UVRAG: variants seen among roughly 807,000 people sequenced by gnomAD.
UVRAG encodes the protein UV radiation resistance associated, also known as UV radiation resistance-associated gene protein.
UVRAG carries 19 observed loss-of-function variants against 78.0 expected under a neutral mutation model. The ratio of observed to expected loss-of-function variants is 0.24; its 90% CI spans 0.17 to 0.36. UVRAG has a LOEUF of 0.36. Among genes scored for constraint, UVRAG ranks in the 10% least tolerant of loss-of-function variants. The pLI is 1.00. For synonymous variants in UVRAG, 323 were observed against 324.6 expected (o/e 1.00, Z 0.05); for missense variants, 740 against 853.8 (o/e 0.87, Z 1.66).
At chr11:76,008,455 T>C (rs1193931535) in intron 10 of UVRAG, among the ~76,000 whole-genome samples, 1 of 152,192 alleles carries the variant, frequency 6.6e-6, no homozygotes, top group African/African-American at 2.4e-5. Context: ...AAAATTTGTT[T>C]AAAAGACTAA....
In UVRAG at chr11:76,037,783, A is replaced by T. The variant is rs546655007; in HGVS notation, c.1226+20803A>T. Reference sequence around the variant, plus strand: ...AATGAGAGTTTGAATCCAGACTGTTATTTAGTGTAAATGGTAGGCAGAATT... The same window carrying T: ...AATGAGAGTTTGAATCCAGACTGTTTTTTAGTGTAAATGGTAGGCAGAATT... On this transcript the variant is annotated intron_variant, in intron 12 of 14. Transcript: ENST00000356136. 1.6e-4 allele frequency among the ~76,000 whole-genome samples: 25 copies of T among 152,252 alleles called. No homozygotes were observed. The South Asian group carries it at 5.0e-3, about 30-fold the overall frequency.
intron 6 of UVRAG, among the ~76,000 whole-genome samples, chr11:75,912,939 G>T (rs1947770722): frequency 6.6e-6 from 1 of 152,214 alleles, no homozygotes; most frequent in African/African-American, 2.4e-5. Context: ...TTTGACTAAA[G>T]TAACCATATA....
rs760121961 is a variant in UVRAG, at chr11:75,912,021, A to T, written c.575A>T (p.Asp192Val). Reference sequence around the variant, plus strand: ...CAGAACTGTGTTCGCAATTCTTACGATGTCTTCTCTTTGCTACGGTAAGAA... The same window carrying T: ...CAGAACTGTGTTCGCAATTCTTACGTTGTCTTCTCTTTGCTACGGTAAGAA... ...VDQNCVRNSY[D>V]VFSLLRLHRA... The change falls in exon 6 of 15, where the codon GAT (aspartate) becomes GTT (valine). Residue 192 changes from aspartate (D) to valine (V), a missense_variant. Physicochemically the swap from Asp to Val is radical, Grantham distance 152. Coordinates refer to ENST00000356136, the MANE Select transcript of UVRAG (RefSeq NM_003369.4). 10 of 1,611,858 alleles carry T rather than the reference A, an allele frequency of 6.2e-6. No homozygotes were observed. Among genetic ancestry groups the T allele is most frequent in the Non-Finnish European group, 8.5e-6 (10 of 1,178,266 alleles).
intron 5 of UVRAG, among the ~76,000 whole-genome samples, chr11:75,894,022 A>G (rs922755122): frequency 3.9e-5 from 6 of 152,192 alleles, no homozygotes; most frequent in African/African-American, 1.4e-4. Context: ...TGCACATAGA[A>G]GATGATACCA....
chr11:75,851,771 T>C, intron 1 of UVRAG, 112 bp from the exon 2 acceptor site: 1 of 814,304 alleles, frequency 1.2e-6, no homozygotes, highest in South Asian at 1.7e-5. Context: ...TCTGGCTCAA[T>C]AAATAAATGA....
intron 8 of UVRAG, among the ~76,000 whole-genome samples, chr11:75,993,021 G>A (rs973663415): frequency 2.0e-4 from 30 of 152,262 alleles, no homozygotes; most frequent in African/African-American, 7.0e-4. Context: ...GCTCAGTTAG[G>A]ATATAAAGTC....
intron 6 of UVRAG, among the ~76,000 whole-genome samples, chr11:75,937,956 TTAAA>T (rs1948406563): frequency 6.6e-6 from 1 of 152,194 alleles, no homozygotes; most frequent in Admixed American, 6.5e-5. Flanking sequence ...GTTTTTCATT[TTAAA>T]TAGTTTCTAC....
At chr11:76,074,579 A>T (rs573380522) in intron 13 of UVRAG, among the ~76,000 whole-genome samples, 1 of 152,326 alleles carries the variant, frequency 6.6e-6, no homozygotes, top group South Asian at 2.1e-4. Flanking sequence ...TGTGTAGCTC[A>T]TTTCATACTC....
intron 12 of UVRAG, among the ~76,000 whole-genome samples, chr11:76,030,407 G>T (rs1950414460): frequency 6.6e-6 from 1 of 152,112 alleles, no homozygotes; most frequent in African/African-American, 2.4e-5. Context: ...CTTCAAATAG[G>T]CCGAGAGTTA....
intron 6 of UVRAG, among the ~76,000 whole-genome samples, chr11:75,929,452 G>T (rs1948185487): frequency 6.6e-6 from 1 of 152,038 alleles, no homozygotes; most frequent in South Asian, 2.1e-4. Context: ...CCAAAGGAAG[G>T]GTGCAGTCGC....
At chr11:76,006,585 G>A (rs7129433) in intron 9 of UVRAG, among the ~76,000 whole-genome samples, 3,150 of 149,932 alleles carry the variant, frequency 0.021, 41 homozygotes, top group South Asian at 0.044. Flanking sequence ...AGCTGAGCCC[G>A]GGAAGGTCGA....
At chr11:76,127,922 A>G (rs1185738221) in intron 14 of UVRAG, among the ~76,000 whole-genome samples, 1 of 152,100 alleles carries the variant, frequency 6.6e-6, no homozygotes, top group Non-Finnish European at 1.5e-5. Flanking sequence ...GCACCACTGC[A>G]CTCAAGCCTG....
chr11:75,997,307 G>A (rs1006196729), intron 8 of UVRAG, among the ~76,000 whole-genome samples: 5 of 152,232 alleles, frequency 3.3e-5, no homozygotes, highest in African/African-American at 1.2e-4. Context: ...CCAAACTCTG[G>A]TGAGAGAGAA....
At chr11:75,889,176 G>A (rs1947160067) in intron 5 of UVRAG, among the ~76,000 whole-genome samples, 1 of 152,140 alleles carries the variant, frequency 6.6e-6, no homozygotes, top group African/African-American at 2.4e-5. Context: ...TAACTCTTTG[G>A]GGGTTAAGAA....
At chr11:75,911,175 G>T (rs867533177) in intron 5 of UVRAG, 6 of 155,236 alleles carry the variant, frequency 3.9e-5, no homozygotes, top group Middle Eastern at 2.3e-3. Context: ...CTGCAGCCTT[G>T]ATTCCAGGAT....
intron 5 of UVRAG, among the ~76,000 whole-genome samples, chr11:75,911,021 A>C (rs534983052): frequency 4.7e-4 from 72 of 152,332 alleles, no homozygotes; most frequent in African/African-American, 1.7e-3. Context: ...TTATAATGTG[A>C]AACATTGTTT....
At chr11:76,134,459 G>A (rs940251860) in intron 14 of UVRAG, among the ~76,000 whole-genome samples, 2 of 152,046 alleles carry the variant, frequency 1.3e-5, no homozygotes, top group African/African-American at 2.4e-5. Context: ...CTTGCAGCTA[G>A]CTCCCTGATG....
chr11:76,120,031 T>C (rs1952247520), intron 14 of UVRAG, among the ~76,000 whole-genome samples: 1 of 152,230 alleles, frequency 6.6e-6, no homozygotes, highest in African/African-American at 2.4e-5. Flanking sequence ...GCACTCACTC[T>C]TCCTCTGTGT....
chr11:75,927,164 G>A (rs777784272), intron 6 of UVRAG, among the ~76,000 whole-genome samples: 2 of 151,534 alleles, frequency 1.3e-5, no homozygotes, highest in Non-Finnish European at 2.9e-5. Context: ...CCGCCTCCCA[G>A]GTTCAAGCAA....
Sources: allele counts gnomAD v4.1 joint callset (sites outside exome capture counted in the v4.1 genomes callset), GRCh38; gene constraint gnomAD v4.1.1; transcripts MANE v1.5; gene names NCBI Gene and HGNC (gene_info 2026-07-23, HGNC 2026-07-21).